Variants in PTPRT observed in about 807,000 individuals in gnomAD.
PTPRT encodes receptor-type tyrosine-protein phosphatase T.
Under a neutral mutation model 176.8 loss-of-function variants are expected in PTPRT, and 56 were observed. The observed-to-expected ratio is 0.32, with a 90% confidence interval of 0.26 to 0.40. The LOEUF (loss-of-function observed/expected upper bound fraction) is 0.40. PTPRT is among the 10% of genes least tolerant of loss of function. The pLI, the probability that PTPRT is intolerant of heterozygous loss-of-function variation, is 1.00. For synonymous variants in PTPRT, 783 were observed against 739.0 expected (o/e 1.06, Z -0.96); for missense variants, 1,540 against 1,908.2 (o/e 0.81, Z 3.60).
chr20:42,610,514 C>G (rs1379883070), intron 7 of PTPRT, among the ~76,000 whole-genome samples: 1 of 152,008 alleles, frequency 6.6e-6, no homozygotes, highest in Non-Finnish European at 1.5e-5. Flanking sequence ...GCCACCATGC[C>G]TGACCTGAAA....
In PTPRT at chr20:42,472,250, C is replaced by T; in HGVS notation, c.1450+16G>A. On this transcript the variant is annotated intron_variant, in intron 8 of 30. Coordinates refer to ENST00000373187, the MANE Select transcript of PTPRT (RefSeq NM_007050.6). ...CAATATCCCCATTCCCATGTAAGCT[C>T]TCCTCCCTTGCTCACCGTCTTCCTC... is the stretch of plus-strand genomic sequence containing the variant. 1 of 1,610,312 alleles carries T rather than the reference C, an allele frequency of 6.2e-7. No homozygotes were observed. Among genetic ancestry groups the T allele is most frequent in the Non-Finnish European group, 8.5e-7 (1 of 1,177,644 alleles).
chr20:42,333,680 C>T (rs898150443), intron 11 of PTPRT, among the ~76,000 whole-genome samples: 1 of 151,454 alleles, frequency 6.6e-6, no homozygotes, highest in Non-Finnish European at 1.5e-5. Context: ...TAACATGTGG[C>T]TTTAATTCCT....
Position 42,522,027 on chromosome 20 carries a change from AAT to A in PTPRT, c.1154-49467_1154-49466del, listed in dbSNP as rs1031126799. On this transcript the variant is annotated intron_variant, in intron 7 of 30. Coordinates refer to ENST00000373187, the MANE Select transcript of PTPRT (RefSeq NM_007050.6). ...TTATTGAAGTTATTTCAGAAAAAGA[AAT>A]AGTACAACAAGAACTTTTTCTTAAA... Among the ~76,000 whole-genome samples, 73 of 151,920 alleles carry A rather than the reference AAT, an allele frequency of 4.8e-4. 2 individuals carry two copies. Among genetic ancestry groups the A allele is most frequent in the Non-Finnish European group, 2.9e-5 (2 of 68,002 alleles).
In PTPRT at chr20:42,073,446, C is replaced by G; in HGVS notation, c.*7433G>C. The G allele has an allele frequency of 5.0e-6, 1 of 199,180 alleles. No individual in the cohort carries two copies. The highest frequency in any genetic ancestry group is 1.0e-5 in the Non-Finnish European group (1 of 96,002). The allele number at this position is 199,180 out of a possible 1,614,324, so 12.3% of individuals were successfully genotyped here. A position where few individuals can be genotyped will look rare whatever the true frequency, so the allele number is the denominator to read the frequency against. On this transcript the variant is annotated 3_prime_UTR_variant, in exon 31 of 31. Coordinates refer to ENST00000373187, the MANE Select transcript of PTPRT (RefSeq NM_007050.6). Reference sequence around the variant, plus strand: ...TGCTTTTGCAGTGTGCTCCAACAGGCCTTGAATAGGGAGTGGGGTAGAAAT... The same window carrying G: ...TGCTTTTGCAGTGTGCTCCAACAGGGCTTGAATAGGGAGTGGGGTAGAAAT...
intron 7 of PTPRT, among the ~76,000 whole-genome samples, chr20:42,620,603 C>T (rs1283882714): frequency 2.6e-5 from 4 of 152,104 alleles, no homozygotes; most frequent in East Asian, 1.9e-4. Context: ...ATTCCGTGGG[C>T]GTAGGACCCT....
At chr20:42,812,679 C>G (rs1434061479) in intron 2 of PTPRT, among the ~76,000 whole-genome samples, 3 of 151,986 alleles carry the variant, frequency 2.0e-5, no homozygotes, top group African/African-American at 7.2e-5. Flanking sequence ...TTTTGAATCC[C>G]AATTCTGTTA....
intron 7 of PTPRT, among the ~76,000 whole-genome samples, chr20:42,524,787 A>C (rs1442854478): frequency 6.6e-6 from 1 of 151,570 alleles, no homozygotes; most frequent in East Asian, 1.9e-4. Flanking sequence ...TATTCCCTTC[A>C]TGTTTTCCTT....
At chr20:42,994,137 C>A (rs1370948483) in intron 1 of PTPRT, among the ~76,000 whole-genome samples, 3 of 152,194 alleles carry the variant, frequency 2.0e-5, no homozygotes, top group Non-Finnish European at 4.4e-5. Flanking sequence ...TTTCATTGAT[C>A]TCTCCCTAGG....
chr20:42,102,527 G>C (rs1299790150), intron 25 of PTPRT, among the ~76,000 whole-genome samples: 1 of 152,170 alleles, frequency 6.6e-6, no homozygotes, highest in African/African-American at 2.4e-5. Flanking sequence ...CAAGGCTGCA[G>C]AAGCAGCGCA....
intron 8 of PTPRT, among the ~76,000 whole-genome samples, chr20:42,462,420 C>T (rs565174803): frequency 1.3e-5 from 2 of 152,096 alleles, no homozygotes; most frequent in East Asian, 1.9e-4. Flanking sequence ...TCAGATGGAG[C>T]TAGGGTTGTG....
chr20:42,130,303 G>A (rs959075409), intron 18 of PTPRT, among the ~76,000 whole-genome samples: 3 of 152,132 alleles, frequency 2.0e-5, no homozygotes, highest in African/African-American at 7.2e-5. Flanking sequence ...TGAAGGGATG[G>A]AGGGAGGTGG....
chr20:43,055,965 A>G (rs78490384), intron 1 of PTPRT, among the ~76,000 whole-genome samples: 4,071 of 152,344 alleles, frequency 0.027, 193 homozygotes, highest in African/African-American at 0.093. Context: ...GTCCGAAACC[A>G]GTAAACTTAG....
At chr20:42,834,251 T>C (rs1375534385) in intron 2 of PTPRT, among the ~76,000 whole-genome samples, 1 of 152,134 alleles carries the variant, frequency 6.6e-6, no homozygotes, top group Non-Finnish European at 1.5e-5. Context: ...TATGAAAAGA[T>C]GTTCAACATC....
Position 42,202,723 on chromosome 20 carries a change from A to G in PTPRT, c.2343-3335T>C, listed in dbSNP as rs1057514321. On this transcript the variant is annotated intron_variant, in intron 15 of 30. Coordinates refer to ENST00000373187, the MANE Select transcript of PTPRT (RefSeq NM_007050.6). ...GCAGGAAATAAAAGGAAATCTGATAAGAGAGTTAACTTAAAACTATAAATG... is the reference window on the plus strand; with the variant it reads ...GCAGGAAATAAAAGGAAATCTGATAGGAGAGTTAACTTAAAACTATAAATG... Among the ~76,000 whole-genome samples, 3 of 152,226 alleles carry G rather than the reference A, an allele frequency of 2.0e-5. No homozygotes were observed. In the South Asian group the frequency reaches 6.2e-4, roughly 32 times the overall value.
intron 13 of PTPRT, among the ~76,000 whole-genome samples, chr20:42,272,723 A>G (rs73909254): frequency 0.16 from 5,274 of 32,496 alleles, 252 homozygotes; most frequent in African/African-American, 0.41. Context: ...ACGTGCGCGC[A>G]CACACACACA....
At chr20:42,478,948 C>G (rs1186872953) in intron 7 of PTPRT, among the ~76,000 whole-genome samples, 2 of 152,100 alleles carry the variant, frequency 1.3e-5, no homozygotes, top group Non-Finnish European at 2.9e-5. Context: ...GAAGACCAAG[C>G]CACCCGAATT....
intron 7 of PTPRT, among the ~76,000 whole-genome samples, chr20:42,615,622 G>T (rs79117821): frequency 3.0e-5 from 4 of 132,882 alleles, no homozygotes; most frequent in East Asian, 2.0e-4. Flanking sequence ...TTTTAATGAT[G>T]GCCATTCTAA....
intron 19 of PTPRT, among the ~76,000 whole-genome samples, chr20:42,126,936 A>G (rs576486884): frequency 5.0e-4 from 76 of 152,128 alleles, no homozygotes; most frequent in Non-Finnish European, 9.6e-4. Context: ...GACGGTGTTC[A>G]TCTTCAACTC....
chr20:42,206,525 G>A (rs373956015), intron 15 of PTPRT, among the ~76,000 whole-genome samples: 41 of 152,106 alleles, frequency 2.7e-4, no homozygotes, highest in African/African-American at 9.2e-4. Context: ...GGTGACGGAC[G>A]GCACCTGGAA....
Sources: allele counts gnomAD v4.1 joint callset (sites outside exome capture counted in the v4.1 genomes callset), GRCh38; gene constraint gnomAD v4.1.1; transcripts MANE v1.5; gene names NCBI Gene and HGNC (gene_info 2026-07-23, HGNC 2026-07-21).